The following EPG5 variants were observed in gnomAD, a reference collection of about 807,000 sequenced individuals.
The protein encoded by EPG5 is ectopic P granules protein 5 homolog.
In EPG5, 159 loss-of-function variants were observed where a neutral mutation model predicts 302.7. The observed-to-expected ratio is 0.53, with a 90% confidence interval of 0.46 to 0.60. The LOEUF (loss-of-function observed/expected upper bound fraction) is 0.60, where lower values mean the gene tolerates loss of function less well. Among genes scored for constraint, EPG5 ranks in the 20% least tolerant of loss-of-function variants. EPG5 has a pLI of 0.00. For synonymous variants in EPG5, 1,158 were observed against 1,136.8 expected (o/e 1.02, Z -0.37); for missense variants, 2,896 against 3,092.4 (o/e 0.94, Z 1.51).
At chr18:45,915,406 T>A in intron 20 of EPG5, 105 bp downstream of exon 20, 1 of 796,010 alleles carries the variant, frequency 1.3e-6, no homozygotes, top group Non-Finnish European at 2.1e-6. Flanking sequence ...CTAGAATAAG[T>A]GCTAAATAAA....
chr18:45,831,468 A>G, the EPG5 span, among the ~76,000 whole-genome samples: 1 of 152,212 alleles, frequency 6.6e-6, no homozygotes, highest in African/African-American at 2.4e-5. Context: ...GTGTGTTAGA[A>G]TTGTGCATAA....
Position 45,925,752 on chromosome 18 carries a change from C to A in EPG5, c.2704G>T (p.Gly902Ter). The A allele has an allele frequency of 6.5e-7, 1 of 1,549,614 alleles. No individual in the cohort carries two copies. Among genetic ancestry groups the A allele is most frequent in the African/African-American group, 1.4e-5 (1 of 71,586 alleles). ...ACVILEGLNW[G>*]FAKQATLHLD... ...TGAACACATACCTGTTTAGCAAATC[C>A]CCAATTCAGTCCTTCAAGAATAACA... The change falls in exon 14 of 44, where the codon GGA (glycine) becomes TGA (stop). Residue 902 changes from glycine to a stop codon, truncating the protein, a stop_gained. Transcript: ENST00000282041. LOFTEE classifies it high-confidence loss of function.
At chr18:45,853,051 C>T (rs59939926) in intron 43 of EPG5, among the ~76,000 whole-genome samples, 1 of 152,264 alleles carries the variant, frequency 6.6e-6, no homozygotes, top group Non-Finnish European at 1.5e-5. Flanking sequence ...AGATTGTCCA[C>T]TCCTTCCGTT....
intron 24 of EPG5, among the ~76,000 whole-genome samples, chr18:45,906,132 C>CT (rs1203052427): frequency 2.6e-5 from 4 of 152,172 alleles, no homozygotes; most frequent in African/African-American, 9.7e-5. Context: ...TGACCAACTC[C>CT]TTGATAGAGA....
chr18:45,946,708 C>T lies in EPG5; in HGVS notation c.1632G>A (p.Gly544=), dbSNP rs2050789973. 1.9e-6 allele frequency: 3 copies of T among 1,614,204 alleles called. No individual in the cohort carries two copies. Among genetic ancestry groups the T allele is most frequent in the Non-Finnish European group, 2.5e-6 (3 of 1,180,044 alleles). Reference sequence around the variant, plus strand: ...CTAGCGTCCAAGTCCCAGACCCAGGCCCTGAGGAGGATGGCTTCCGCTCGC... The same window carrying T: ...CTAGCGTCCAAGTCCCAGACCCAGGTCCTGAGGAGGATGGCTTCCGCTCGC... The part of the protein sequence containing the change: ...KPSERKPSSS[G]PGSGTWTLVD... The change falls in exon 7 of 44, where the codon GGG becomes GGA. Residue 544 remains glycine, a synonymous_variant. Coordinates refer to ENST00000282041, the MANE Select transcript of EPG5 (RefSeq NM_020964.3).
chr18:45,941,038 G>T (rs948753117), intron 9 of EPG5, among the ~76,000 whole-genome samples: 6 of 152,180 alleles, frequency 3.9e-5, no homozygotes, highest in Non-Finnish European at 2.9e-5. Flanking sequence ...TCTGAGAATT[G>T]TAACAGTGTT....
chr18:45,802,393 ACCT>A, the EPG5 span, among the ~76,000 whole-genome samples: 1 of 152,108 alleles, frequency 6.6e-6, no homozygotes, highest in Non-Finnish European at 1.5e-5. Flanking sequence ...GATGGCATGC[ACCT>A]GTTGTCCCAG....
At chr18:45,832,769 A>ATGTAAATGTCACAGGATGCTGT in the EPG5 span, among the ~76,000 whole-genome samples, 1 of 152,194 alleles carries the variant, frequency 6.6e-6, no homozygotes, top group Non-Finnish European at 1.5e-5. Flanking sequence ...AAGCTGCCAG[A>ATGTAAATGTCACAGGATGCTGT]GGGAATTGTA....
chr18:45,807,303 T>C, the EPG5 span, among the ~76,000 whole-genome samples: 2 of 152,132 alleles, frequency 1.3e-5, no homozygotes, highest in Non-Finnish European at 2.9e-5. Context: ...ACCCTGGTAA[T>C]TGAAGACAAA....
chr18:45,807,016 C>T, the EPG5 span, among the ~76,000 whole-genome samples: 12 of 152,156 alleles, frequency 7.9e-5, no homozygotes, highest in Non-Finnish European at 1.2e-4. Flanking sequence ...AGACTCAGTG[C>T]TATTGGCAGG....
intron 27 of EPG5, among the ~76,000 whole-genome samples, chr18:45,894,109 C>T (rs2049414398): frequency 6.6e-6 from 1 of 152,070 alleles, no homozygotes. Flanking sequence ...TGTAACACAG[C>T]CTAATGAGTG....
the EPG5 span, among the ~76,000 whole-genome samples, chr18:45,836,078 T>C: frequency 6.6e-6 from 1 of 152,184 alleles, no homozygotes; most frequent in Non-Finnish European, 1.5e-5. Context: ...CATAGATGGA[T>C]GGTCCCCATG....
At chr18:45,873,388 T>C (rs1441864015) in intron 35 of EPG5, among the ~76,000 whole-genome samples, 1 of 152,020 alleles carries the variant, frequency 6.6e-6, no homozygotes, top group African/African-American at 2.4e-5. Flanking sequence ...CGGGCGCCTG[T>C]AGTCCCAGCT....
At chr18:45,917,656 T>G in intron 17 of EPG5, 23 bp downstream of exon 17, 1 of 1,613,446 alleles carries the variant, frequency 6.2e-7, no homozygotes, top group Non-Finnish European at 8.5e-7. Flanking sequence ...GAGTGTCTCC[T>G]GCCATAGATG....
At chr18:45,827,241 C>T in the EPG5 span, among the ~76,000 whole-genome samples, 2 of 152,160 alleles carry the variant, frequency 1.3e-5, no homozygotes, top group East Asian at 3.9e-4. Context: ...CCCTATGAAA[C>T]ATTCTCTTTT....
chr18:45,879,202 T>C lies in EPG5; in HGVS notation c.5680A>G (p.Ile1894Val), dbSNP rs138221907. 7.2e-5 allele frequency: 116 copies of C among 1,609,416 alleles called. No homozygotes were observed. In the African/African-American group the frequency reaches 1.3e-3, roughly 18 times the overall value. The change falls in exon 33 of 44, where the codon ATA becomes GTA. Residue 1894 changes from isoleucine to valine, a missense_variant. This residue lies in a region of EPG5 where 790 missense variants were observed against 798.0 expected (regional missense o/e 0.99). Transcript: ENST00000282041. ...TAAAAAAAGTCTGAAAGCCACTGTA[T>C]AGTCTCCATTACCTGGAAGAGACAA... ...LLSDKQVMET[I>V]QWLSDFFYKL...
intron 7 of EPG5, among the ~76,000 whole-genome samples, chr18:45,946,415 A>G (rs2050785229): frequency 6.6e-6 from 1 of 152,230 alleles, no homozygotes; most frequent in Non-Finnish European, 1.5e-5. Flanking sequence ...GGGGTGCAGC[A>G]CAGCACACTG....
chr18:45,934,921 C>CA lies in EPG5; in HGVS notation c.2144dup (p.Ser716ValfsTer46), dbSNP rs1344466516. 1 of 1,613,982 alleles carries CA rather than the reference C, an allele frequency of 6.2e-7. No individual in the cohort carries two copies. Among genetic ancestry groups the CA allele is most frequent in the African/African-American group, 1.3e-5 (1 of 74,920 alleles). On this transcript the variant is annotated frameshift_variant, in exon 11 of 44. Transcript: ENST00000282041. LOFTEE classifies it high-confidence loss of function. Reference sequence around the variant, plus strand: ...AGAGCTTCCACAGCATTTGCACAGACAGAGTCCCAAAGGGCATCTCGGACA... The same window carrying CA: ...AGAGCTTCCACAGCATTTGCACAGACAAGAGTCCCAAAGGGCATCTCGGACA...
intron 16 of EPG5, among the ~76,000 whole-genome samples, chr18:45,921,617 G>A (rs2050155732): frequency 6.6e-6 from 1 of 152,098 alleles, no homozygotes; most frequent in East Asian, 1.9e-4. Context: ...AAATGCTCCA[G>A]TAGAAGACAT....
Sources: gnomAD v4.1 joint callset for allele counts (sites outside exome capture counted in the v4.1 genomes callset) on GRCh38, gnomAD v4.1.1 for gene constraint, gnomAD v4.1.1 regional missense constraint, MANE v1.5 for transcripts, NCBI Gene and HGNC (gene_info 2026-07-23, HGNC 2026-07-21) for gene names.